The following PTPRJ variants were observed in gnomAD, a reference collection of about 807,000 sequenced individuals.
The protein encoded by PTPRJ is protein tyrosine phosphatase receptor type J, also known as receptor-type tyrosine-protein phosphatase eta.
In PTPRJ, 129 loss-of-function variants were observed where a neutral mutation model predicts 141.3. That is an observed-to-expected ratio of 0.91 (90% CI 0.79 to 1.06). PTPRJ has a LOEUF of 1.06. Among genes scored for constraint, PTPRJ ranks in the 50% least tolerant of loss-of-function variants. The probability of loss-of-function intolerance (pLI) is 0.00; values close to 1 mark genes in which losing one functional copy is unlikely to be tolerated. For missense variants in PTPRJ, 1,601 were observed against 1,679.7 expected, an observed-to-expected ratio of 0.95 and a Z score of 0.82; for synonymous variants, 610 against 640.5, an observed-to-expected ratio of 0.95 and a Z score of 0.72.
Position 48,167,558 on chromosome 11 carries a change from G to C in PTPRJ, c.*196G>C. The C allele has an allele frequency of 2.0e-6, 1 of 503,896 alleles. No homozygotes were observed. Among genetic ancestry groups the C allele is most frequent in the Non-Finnish European group, 3.3e-6 (1 of 305,856 alleles). 31.2% of individuals were successfully genotyped at this position (503,896 alleles called of 1,614,324 possible). On this transcript the variant is annotated 3_prime_UTR_variant, in exon 25 of 25. Coordinates refer to ENST00000418331, the MANE Select transcript of PTPRJ (RefSeq NM_002843.4). ...CTGTCGGGGGCTGTGGATGGGTGGG[G>C]AGCAAATCATCTGCATTCCTGATGA...
intron 1 of PTPRJ, among the ~76,000 whole-genome samples, chr11:47,985,852 T>C (rs1214493493): frequency 6.6e-6 from 1 of 152,092 alleles, no homozygotes; most frequent in African/African-American, 2.4e-5. Flanking sequence ...AGACGTGCGC[T>C]ACCATGCGCA....
At chr11:48,046,532 T>G (rs1854403381) in intron 1 of PTPRJ, among the ~76,000 whole-genome samples, 1 of 152,154 alleles carries the variant, frequency 6.6e-6, no homozygotes, top group Non-Finnish European at 1.5e-5. Flanking sequence ...CTTTGGTGGA[T>G]GAGACTGACA....
intron 1 of PTPRJ, among the ~76,000 whole-genome samples, chr11:48,065,357 G>C (rs1024769856): frequency 6.6e-6 from 1 of 152,058 alleles, no homozygotes; most frequent in Non-Finnish European, 1.5e-5. Context: ...AGCCCGCTCA[G>C]TGTGTGTCAT....
chr11:48,002,163 A>T (rs979146470), intron 1 of PTPRJ, among the ~76,000 whole-genome samples: 1 of 142,490 alleles, frequency 7.0e-6, no homozygotes, highest in African/African-American at 2.7e-5. Flanking sequence ...TTTGAGACAG[A>T]GTCTCGCTCT....
At chr11:48,132,085 A>G in intron 8 of PTPRJ, 2 of 957,276 alleles carry the variant, frequency 2.1e-6, no homozygotes, top group Non-Finnish European at 2.5e-6. Flanking sequence ...AAGATGGTAA[A>G]GAAGTCCTGA....
Position 48,017,693 on chromosome 11 carries a change from A to G in PTPRJ, c.96+36685A>G, listed in dbSNP as rs554303322. ...GCTCTCTGCTCTTCTACCTGCATGCACCGTGTTTGTGGAAGTGCTCTGTGT... is the reference window on the plus strand; with the variant it reads ...GCTCTCTGCTCTTCTACCTGCATGCGCCGTGTTTGTGGAAGTGCTCTGTGT... On this transcript the variant is annotated intron_variant, in intron 1 of 24. Coordinates refer to ENST00000418331, the MANE Select transcript of PTPRJ (RefSeq NM_002843.4). Among the ~76,000 whole-genome samples, 28 of 152,250 alleles carry G rather than the reference A, an allele frequency of 1.8e-4. No individual in the cohort carries two copies. The South Asian group carries it at 2.9e-3, about 16-fold the overall frequency.
At position 48,142,863 on chromosome 11, in the gene PTPRJ, T is replaced by A. The variant is rs1229296920; in HGVS notation, c.2444-56T>A. ...TTGCTGAAGCATGTTCTCTACCTAA[T>A]GTGTTGCTTTGGTTTTCAATATTGG... On this transcript the variant is annotated intron_variant, in intron 11 of 24. Transcript: ENST00000418331. The A allele has an allele frequency of 1.9e-6, 3 of 1,556,442 alleles. No individual in the cohort carries two copies. The East Asian group carries it at 7.1e-5, about 37-fold the overall frequency.
In PTPRJ at chr11:48,125,019, A is replaced by C; in HGVS notation, c.926A>C (p.His309Pro). ...GCAGGGAGCCCCACCGCCCCTGTGC[A>C]TGATGAGTCCCTCGTGGGACCTGTG... is the stretch of plus-strand genomic sequence containing the variant. The part of the protein sequence containing the change: ...SRAGSPTAPV[H>P]DESLVGPVDP... The change falls in exon 6 of 25, where the codon CAT (histidine) becomes CCT (proline). Residue 309 changes from histidine (H) to proline (P), a missense_variant. Coordinates refer to ENST00000418331, the MANE Select transcript of PTPRJ (RefSeq NM_002843.4). 1 of 1,614,166 alleles carries C rather than the reference A, an allele frequency of 6.2e-7. No homozygotes were observed. Among genetic ancestry groups the C allele is most frequent in the East Asian group, 2.2e-5 (1 of 44,878 alleles).
At chr11:48,092,347 G>A (rs1267088651) in intron 1 of PTPRJ, among the ~76,000 whole-genome samples, 1 of 150,650 alleles carries the variant, frequency 6.6e-6, no homozygotes, top group Non-Finnish European at 1.5e-5. Context: ...GCAGGTAGGT[G>A]CTTCTAGCTA....
At chr11:48,106,129 A>AG (rs1354455154) in intron 1 of PTPRJ, among the ~76,000 whole-genome samples, 1 of 152,152 alleles carries the variant, frequency 6.6e-6, no homozygotes, top group African/African-American at 2.4e-5. Context: ...TTGAAGGGAG[A>AG]GGCAACCAGG....
intron 1 of PTPRJ, among the ~76,000 whole-genome samples, chr11:48,015,518 T>C (rs1330667590): frequency 6.6e-6 from 1 of 152,174 alleles, no homozygotes; most frequent in Non-Finnish European, 1.5e-5. Flanking sequence ...TTTTGTGTTA[T>C]TTGTATTATT....
At chr11:48,127,363 A>G (rs1196523140) in intron 6 of PTPRJ, among the ~76,000 whole-genome samples, 2 of 152,168 alleles carry the variant, frequency 1.3e-5, no homozygotes, top group African/African-American at 4.8e-5. Flanking sequence ...TAGCAGAGTG[A>G]GCCCTGGAAC....
At chr11:48,023,680 G>A (rs1853720634) in intron 1 of PTPRJ, among the ~76,000 whole-genome samples, 2 of 151,994 alleles carry the variant, frequency 1.3e-5, no homozygotes, top group African/African-American at 4.8e-5. Context: ...TACTTGTGAG[G>A]CTGAGGTAGG....
chr11:48,038,956 C>G (rs1374162219), intron 1 of PTPRJ, among the ~76,000 whole-genome samples: 1 of 151,012 alleles, frequency 6.6e-6, no homozygotes, highest in East Asian at 2.0e-4. Context: ...CGAGACCAGC[C>G]TGGCCAACAT....
chr11:47,984,427 A>C (rs1437418308), intron 1 of PTPRJ, among the ~76,000 whole-genome samples: 1 of 152,200 alleles, frequency 6.6e-6, no homozygotes, highest in African/African-American at 2.4e-5. Context: ...CCCTTCTAAT[A>C]TAATGCCACT....
In PTPRJ at chr11:48,117,540, C is replaced by CAAAAAAAAAAAAAAAAA. The variant is rs71045545; in HGVS notation, c.353-3444_353-3428dup. ...TGGGCAACAGAGCAAGATTCTGTCT[C>CAAAAAAAAAAAAAAAAA]AAAAAAAAAAAAAAAAAAAAAAAAA... is the stretch of plus-strand genomic sequence containing the variant. On this transcript the variant is annotated intron_variant, in intron 3 of 24. Transcript: ENST00000418331. 1.0e-4 allele frequency among the ~76,000 whole-genome samples: 2 copies of CAAAAAAAAAAAAAAAAA among 19,696 alleles called. 1 individual carries two copies. The allele number at this position is 19,696 out of a possible 152,430, so 12.9% of individuals were successfully genotyped here.
chr11:47,985,480 C>T, intron 1 of PTPRJ, among the ~76,000 whole-genome samples: 1 of 151,842 alleles, frequency 6.6e-6, no homozygotes. Context: ...AACTGAGGTT[C>T]AGAACTTAAC....
Position 48,168,559 on chromosome 11 carries a change from T to C in PTPRJ, c.*1197T>C, listed in dbSNP as rs1451432379. ...GTATATATATATATATATATATATA[T>C]ATATATATATATATATATATATACA... On this transcript the variant is annotated 3_prime_UTR_variant, in exon 25 of 25. Coordinates refer to ENST00000418331, the MANE Select transcript of PTPRJ (RefSeq NM_002843.4). 1 of 120,112 alleles carries C rather than the reference T, an allele frequency of 8.3e-6. No individual in the cohort carries two copies. Among genetic ancestry groups the C allele is most frequent in the Admixed American group, 8.1e-5 (1 of 12,290 alleles). 7.4% of individuals were successfully genotyped at this position (120,112 alleles called of 1,614,324 possible). A position where few individuals can be genotyped will look rare whatever the true frequency, so the allele number is the denominator to read the frequency against.
intron 1 of PTPRJ, among the ~76,000 whole-genome samples, chr11:48,086,178 A>T (rs192431065): frequency 1.6e-4 from 25 of 152,174 alleles, no homozygotes; most frequent in East Asian, 1.5e-3. Context: ...TATTATATTT[A>T]AAAAAAATTT....
Sources: allele counts gnomAD v4.1 joint callset (sites outside exome capture counted in the v4.1 genomes callset), GRCh38; gene constraint gnomAD v4.1.1; transcripts MANE v1.5; gene names NCBI Gene and HGNC (gene_info 2026-07-23, HGNC 2026-07-21).